FTCD: variants seen among roughly 807,000 people sequenced by gnomAD.
The protein encoded by FTCD is formimidoyltransferase cyclodeaminase.
Under a neutral mutation model 62.9 loss-of-function variants are expected in FTCD, and 76 were observed. That is an observed-to-expected ratio of 1.21 (90% CI 1.00 to 1.46). The LOEUF is 1.46. Ranked by LOEUF, FTCD falls within the 40% of genes most tolerant of loss-of-function variation. The pLI, the probability that FTCD is intolerant of heterozygous loss-of-function variation, is 0.00. For missense variants in FTCD, 845 were observed against 751.3 expected (o/e 1.12, Z -1.46); for synonymous variants, 397 against 336.9 (o/e 1.18, Z -1.95).
Position 46,142,398 on chromosome 21 carries a change from C to G in FTCD, c.1260+3019G>C, listed in dbSNP as rs1052312168. 5.6e-4 allele frequency: 84 copies of G among 150,438 alleles called. 1 individual carries two copies. Among genetic ancestry groups the G allele is most frequent in the African/African-American group, 1.9e-3 (79 of 40,558 alleles). The allele number at this position is 150,438 out of a possible 1,614,324, so 9.3% of individuals were successfully genotyped here. ...GAGCTGTTTCTTCCTCCCCGTGAGG[C>G]CGCCGACCTTCACAGTGAGCGTTAA... is the stretch of plus-strand genomic sequence containing the variant. On this transcript the variant is annotated intron_variant, in intron 10 of 13. Transcript: ENST00000397746.
intron 7 of FTCD, among the ~76,000 whole-genome samples, chr21:46,149,467 A>C (rs1483019902): frequency 6.6e-6 from 1 of 152,160 alleles, no homozygotes; most frequent in Non-Finnish European, 1.5e-5. Flanking sequence ...AACAGACAAA[A>C]CGTCCCCAAA....
At chr21:46,139,324 G>A (rs1045572815) in intron 10 of FTCD, among the ~76,000 whole-genome samples, 6 of 152,200 alleles carry the variant, frequency 3.9e-5, no homozygotes, top group East Asian at 1.9e-4. Context: ...AGACTGTGCA[G>A]AAGGACCAAG....
At chr21:46,141,754 G>A (rs747625089) in intron 10 of FTCD, among the ~76,000 whole-genome samples, 1 of 151,948 alleles carries the variant, frequency 6.6e-6, no homozygotes, top group Non-Finnish European at 1.5e-5. Flanking sequence ...AAAGCCCCAA[G>A]AGAAACTAAG....
At position 46,137,083 on chromosome 21, in the gene FTCD, A is replaced by T. The variant is rs2078885383; in HGVS notation, c.1540-10T>A. On this transcript the variant is annotated splice_polypyrimidine_tract_variant and intron_variant, in intron 13 of 13. Coordinates refer to ENST00000397746, the MANE Select transcript of FTCD (RefSeq NM_206965.2). Reference sequence around the variant, plus strand: ...AAACACGATGGTGGATCTGATGGACACAGGGAAAGAGGGGTCTGGTAGTTC... The same window carrying T: ...AAACACGATGGTGGATCTGATGGACTCAGGGAAAGAGGGGTCTGGTAGTTC... 4.3e-6 allele frequency: 7 copies of T among 1,613,792 alleles called. No individual in the cohort carries two copies. The highest frequency in any genetic ancestry group is 5.9e-6 in the Non-Finnish European group (7 of 1,179,978).
intron 9 of FTCD, 83 bp downstream of exon 9, chr21:46,145,735 T>TCCCAACA (rs2079126287): frequency 1.1e-5 from 1 of 88,966 alleles, no homozygotes; most frequent in Non-Finnish European, 1.8e-5. Context: ...CCCCACCCCG[T>TCCCAACA]GCCCTCCCCC....
intron 9 of FTCD, 54 bp downstream of exon 9, chr21:46,145,764 T>G: frequency 1.9e-5 from 4 of 211,252 alleles, no homozygotes; most frequent in East Asian, 1.5e-4. Context: ...CCCTTCCCCC[T>G]CCCCGCCCTC....
chr21:46,141,395 C>T (rs1015963723), intron 10 of FTCD, among the ~76,000 whole-genome samples: 1 of 151,950 alleles, frequency 6.6e-6, no homozygotes, highest in African/African-American at 2.4e-5. Context: ...GATTTGCCCA[C>T]CTTGGTTTTC....
At chr21:46,142,901 T>C (rs1483884791) in intron 10 of FTCD, among the ~76,000 whole-genome samples, 1 of 152,162 alleles carries the variant, frequency 6.6e-6, no homozygotes, top group Non-Finnish European at 1.5e-5. Flanking sequence ...GTTTTTACAA[T>C]ACTTTAGCTA....
Position 46,154,139 on chromosome 21 carries a change from G to A in FTCD, c.238+10C>T. 1 of 1,612,282 alleles carries A rather than the reference G, an allele frequency of 6.2e-7. No individual in the cohort carries two copies. The highest frequency in any genetic ancestry group is 8.5e-7 in the Non-Finnish European group (1 of 1,179,466). Reference sequence around the variant, plus strand: ...GACACGGCAGCCACAGGAGAGCCCAGAGACCTCACCTTGGTGCCTGCTCAT... The same window carrying A: ...GACACGGCAGCCACAGGAGAGCCCAAAGACCTCACCTTGGTGCCTGCTCAT... On this transcript the variant is annotated intron_variant, in intron 2 of 13. Coordinates refer to ENST00000397746, the MANE Select transcript of FTCD (RefSeq NM_206965.2).
Position 46,150,141 on chromosome 21 carries a change from T to G in FTCD, c.884A>C (p.Glu295Ala). The G allele has an allele frequency of 6.8e-7, 1 of 1,481,222 alleles. No individual in the cohort carries two copies. The highest frequency in any genetic ancestry group is 9.1e-7 in the Non-Finnish European group (1 of 1,096,528). 91.8% of individuals were successfully genotyped at this position (1,481,222 alleles called of 1,614,324 possible). A position where few individuals can be genotyped will look rare whatever the true frequency, so the allele number is the denominator to read the frequency against. The change falls in exon 7 of 14, where the codon GAG becomes GCG. Residue 295 changes from glutamate (E) to alanine (A), a missense_variant. Transcript: ENST00000397746. Reference protein sequence around the residue: ...YCEKENLFILEEEQRIRLVVS... With the variant: ...YCEKENLFILAEEQRIRLVVS... ...CACCAGCCTGATCCGCTGCTCCTCC[T>G]CCAGGATGAAGAGGTTCTCCTTCTC...
chr21:46,145,811 C>T lies in FTCD; in HGVS notation c.1098+7G>A, dbSNP rs2079132193. The stretch of plus-strand genomic sequence containing the variant: ...TGCGCCTCCCCTGCCCCTCCCCCCG[C>T]GCTCACCATGGCCGCAGCGGCCGCC... On this transcript the variant is annotated splice_region_variant and intron_variant, in intron 9 of 13. Transcript: ENST00000397746. 6 of 1,028,468 alleles carry T rather than the reference C, an allele frequency of 5.8e-6. No homozygotes were observed. The highest frequency in any genetic ancestry group is 4.1e-5 in the African/African-American group (2 of 49,138). 63.7% of individuals were successfully genotyped at this position (1,028,468 alleles called of 1,614,324 possible). A position where few individuals can be genotyped will look rare whatever the true frequency, so the allele number is the denominator to read the frequency against.
chr21:46,151,085 C>G (rs985848133), intron 5 of FTCD, among the ~76,000 whole-genome samples: 1 of 152,124 alleles, frequency 6.6e-6, no homozygotes, highest in Non-Finnish European at 1.5e-5. Context: ...GCAGGTGGTC[C>G]CCCCCGCTTT....
chr21:46,153,209 T>C (rs115785150), intron 2 of FTCD, among the ~76,000 whole-genome samples, 174 bp from the exon 3 acceptor site: 2,667 of 152,236 alleles, frequency 0.018, 79 homozygotes, highest in African/African-American at 0.061. Context: ...CTCCCAGCCC[T>C]GCCCCAGCGG....
At chr21:46,149,863 C>T (rs2079225047) in intron 7 of FTCD, among the ~76,000 whole-genome samples, 1 of 152,178 alleles carries the variant, frequency 6.6e-6, no homozygotes, top group Non-Finnish European at 1.5e-5. Flanking sequence ...ATGGCCGGCC[C>T]AGGAGGCAAG....
chr21:46,138,810 G>T, intron 11 of FTCD, 70 bp downstream of exon 11: 1 of 1,463,436 alleles, frequency 6.8e-7, no homozygotes, highest in Non-Finnish European at 9.6e-7. Flanking sequence ...CAGCACCCAG[G>T]TACTCGGGAT....
At chr21:46,138,802 G>C in intron 11 of FTCD, 78 bp downstream of exon 11, 1 of 1,445,476 alleles carries the variant, frequency 6.9e-7, no homozygotes. Context: ...CCCCGTCACA[G>C]CACCCAGGTA....
chr21:46,150,519 G>T lies in FTCD; in HGVS notation c.643C>A (p.Arg215Ser). ...CCAATGCCCTGAACTTTCTTCAGAC[G>T]TCCTGGCTGCAAAGGAAGAGCGTTC... ...EQGRGKDQPG[R>S]LKKVQGIGWY... The change falls in exon 6 of 14, where the codon CGT (arginine) becomes AGT (serine). Residue 215 changes from arginine (R) to serine (S), a missense_variant. By Grantham distance (110) the Arg-to-Ser change is moderately radical. Coordinates refer to ENST00000397746, the MANE Select transcript of FTCD (RefSeq NM_206965.2). 6.2e-7 allele frequency: 1 copy of T among 1,613,186 alleles called. No homozygotes were observed. The highest frequency in any genetic ancestry group is 8.5e-7 in the Non-Finnish European group (1 of 1,179,922).
At position 46,145,822 on chromosome 21, in the gene FTCD, G is replaced by C; in HGVS notation, c.1094C>G (p.Ala365Gly). Residue 365 changes from alanine to glycine, a missense_variant, in exon 9 of 14, where the codon GCC (alanine) becomes GGC (glycine). By Grantham distance (60) the Ala-to-Gly change is moderately conservative. Transcript: ENST00000397746. ...GGGSVAAAAA[A>G]MGAALGSMVG... ...TGCCCCTCCCCCCGCGCTCACCATGGCCGCAGCGGCCGCCGCCACCGAGCC... is the reference window on the plus strand; with the variant it reads ...TGCCCCTCCCCCCGCGCTCACCATGCCCGCAGCGGCCGCCGCCACCGAGCC... The C allele has an allele frequency of 2.9e-6, 2 of 688,580 alleles. No individual in the cohort carries two copies. The highest frequency in any genetic ancestry group is 3.3e-6 in the Non-Finnish European group (2 of 603,080). The allele number at this position is 688,580 out of a possible 1,614,324, so 42.7% of individuals were successfully genotyped here.
Position 46,136,997 on chromosome 21 carries a change from C to T in FTCD, c.1616G>A (p.Arg539Gln), listed in dbSNP as rs769040809. 48 of 1,613,260 alleles carry T rather than the reference C, an allele frequency of 3.0e-5. No homozygotes were observed. The highest frequency in any genetic ancestry group is 1.6e-4 in the East Asian group (7 of 44,882). Residue 539 changes from arginine (R) to glutamine (Q), a missense_variant, in exon 14 of 14, where the codon CGG becomes CAG. Arg to Gln is a conservative substitution (Grantham distance 43, BLOSUM62 1). Transcript: ENST00000397746. ...AALVLDCLET[R>Q]QE Reference sequence around the variant, plus strand: ...AGGCCTCCCGCACCGTCACTCCTGCCGGGTCTCCAAGCAGTCCAGCACCAG... The same window carrying T: ...AGGCCTCCCGCACCGTCACTCCTGCTGGGTCTCCAAGCAGTCCAGCACCAG...
Sources: allele counts gnomAD v4.1 joint callset (sites outside exome capture counted in the v4.1 genomes callset), GRCh38; gene constraint gnomAD v4.1.1; transcripts MANE v1.5; gene names NCBI Gene and HGNC (gene_info 2026-07-23, HGNC 2026-07-21).